The following RIPK1 variants were observed in gnomAD, a reference collection of about 807,000 sequenced individuals.
RIPK1 encodes receptor-interacting serine/threonine-protein kinase 1.
A neutral mutation model predicts 62.4 loss-of-function variants in RIPK1; 27 were observed. The ratio of observed to expected loss-of-function variants is 0.43; its 90% CI spans 0.32 to 0.60. The LOEUF is 0.60. Ranked by LOEUF, RIPK1 falls within the 20% of genes least tolerant of loss-of-function variation. RIPK1 has a pLI of 0.07. For synonymous variants in RIPK1, 287 were observed against 303.2 expected, an observed-to-expected ratio of 0.95 and a Z score of 0.55; for missense variants, 735 against 831.0, an observed-to-expected ratio of 0.88 and a Z score of 1.42.
intron 3 of RIPK1, among the ~76,000 whole-genome samples, chr6:3,080,293 T>G (rs191507698): frequency 2.2e-3 from 338 of 152,348 alleles, no homozygotes; most frequent in African/African-American, 7.8e-3. Context: ...ATTTAACCAC[T>G]ATAATAGAAA....
At position 3,105,770 on chromosome 6, in the gene RIPK1, C is replaced by G. The variant is rs772662175; in HGVS notation, c.1295C>G (p.Thr432Arg). 1 of 1,614,224 alleles carries G rather than the reference C, an allele frequency of 6.2e-7. No individual in the cohort carries two copies. Among genetic ancestry groups the G allele is most frequent in the Non-Finnish European group, 8.5e-7 (1 of 1,180,044 alleles). Reference protein sequence around the residue: ...QQRPYENFQNTEGKGTAYSSA... With the variant: ...QQRPYENFQNREGKGTAYSSA... The stretch of plus-strand genomic sequence containing the variant: ...AGACCTTACGAGAATTTTCAGAATA[C>G]AGAGGGAAAAGGCACTGCTTATTCC... The change falls in exon 9 of 11, where the codon ACA becomes AGA. Residue 432 changes from threonine to arginine, a missense_variant. Thr to Arg is a moderately conservative substitution (Grantham distance 71). This residue lies in a region of RIPK1 where 671 missense variants were observed against 726.2 expected (regional missense o/e 0.92). Coordinates refer to ENST00000259808, the MANE Select transcript of RIPK1 (RefSeq NM_001354930.2). The surrounding 1 kb of genome is among the most constrained non-coding windows in gnomAD (Gnocchi z 4.5).
Position 3,114,337 on chromosome 6 carries a change from C to T in RIPK1, c.*998C>T, listed in dbSNP as rs1453769555. The T allele has an allele frequency of 1.3e-5, 2 of 152,196 alleles. No homozygotes were observed. The highest frequency in any genetic ancestry group is 4.8e-5 in the African/African-American group (2 of 41,428). 9.4% of individuals were successfully genotyped at this position (152,196 alleles called of 1,614,324 possible). On this transcript the variant is annotated 3_prime_UTR_variant, in exon 11 of 11. Coordinates refer to ENST00000259808, the MANE Select transcript of RIPK1 (RefSeq NM_001354930.2). The surrounding 1 kb of genome is among the most constrained non-coding windows in gnomAD (Gnocchi z 5.0). ...ACTCTGTGTACTGTGAAAGTATTTT[C>T]ATATTTTTTCTGTGTGCCAGAGTGA... is the stretch of plus-strand genomic sequence containing the variant.
rs968316234 is a variant in RIPK1, at chr6:3,114,341, T to A, written c.*1002T>A. The A allele has an allele frequency of 1.3e-5, 2 of 152,228 alleles. No individual in the cohort carries two copies. The highest frequency in any genetic ancestry group is 2.4e-5 in the African/African-American group (1 of 41,446). The allele number at this position is 152,228 out of a possible 1,614,324, so 9.4% of individuals were successfully genotyped here. A position where few individuals can be genotyped will look rare whatever the true frequency, so the allele number is the denominator to read the frequency against. On this transcript the variant is annotated 3_prime_UTR_variant, in exon 11 of 11. Transcript: ENST00000259808. This position sits in a 1 kb window ranked among gnomAD's most constrained non-coding sequence, Gnocchi z 5.0. ...TGTGTACTGTGAAAGTATTTTCATATTTTTTCTGTGTGCCAGAGTGAAAAA... is the reference window on the plus strand; with the variant it reads ...TGTGTACTGTGAAAGTATTTTCATAATTTTTCTGTGTGCCAGAGTGAAAAA...
At chr6:3,067,051 ATTTTTTTTT>A (rs36132424), upstream of RIPK1, among the ~76,000 whole-genome samples, 1 of 59,048 alleles carries the variant, frequency 1.7e-5, no homozygotes, top group South Asian at 5.8e-4. Context: ...TTGCTCCAGG[ATTTTTTTTT>A]TTTTTTTTTT....
rs759012409 is a variant in RIPK1, at chr6:3,083,284, C to T, written c.659C>T (p.Ala220Val). 23 of 1,613,194 alleles carry T rather than the reference C, an allele frequency of 1.4e-5. No individual in the cohort carries two copies. The highest frequency in any genetic ancestry group is 1.6e-4 in the Middle Eastern group (1 of 6,062). ...TACAGCTTTGCTGTAGTACTCTGGG[C>T]GATATTTGCAAATAAGGAGCCATAT... is the stretch of plus-strand genomic sequence containing the variant. ...DVYSFAVVLW[A>V]IFANKEPYEN... The change falls in exon 5 of 11, where the codon GCG (alanine) becomes GTG (valine). Residue 220 changes from alanine (A) to valine (V), a missense_variant. By Grantham distance (64) the Ala-to-Val change is moderately conservative. Transcript: ENST00000259808.
Position 3,113,418 on chromosome 6 carries a change from C to G in RIPK1, c.*79C>G, listed in dbSNP as rs1561781580. ...AGAAAGTTGGCTGCCTCAGAGCATT[C>G]AGAATTCTGTCCTCACTGATAGGGG... On this transcript the variant is annotated 3_prime_UTR_variant, in exon 11 of 11. Transcript: ENST00000259808. The surrounding 1 kb of genome is among the most constrained non-coding windows in gnomAD (Gnocchi z 5.0). 2 of 1,390,256 alleles carry G rather than the reference C, an allele frequency of 1.4e-6. No homozygotes were observed. Among genetic ancestry groups the G allele is most frequent in the Non-Finnish European group, 2.0e-6 (2 of 1,018,820 alleles). The allele number at this position is 1,390,256 out of a possible 1,614,324, so 86.1% of individuals were successfully genotyped here.
At chr6:3,095,624 GTTTAAC>G (rs1212123376) in intron 7 of RIPK1, among the ~76,000 whole-genome samples, 1 of 152,132 alleles carries the variant, frequency 6.6e-6, no homozygotes, top group Non-Finnish European at 1.5e-5. Context: ...TGCAAAGTTA[GTTTAAC>G]TTTATGAAAA....
chr6:3,103,968 TTA>T (rs1760704971), intron 7 of RIPK1, among the ~76,000 whole-genome samples: 1 of 152,236 alleles, frequency 6.6e-6, no homozygotes, highest in Non-Finnish European at 1.5e-5. Context: ...GTGCCTGTCT[TTA>T]TGCCAGTCCT....
At chr6:3,065,087 GA>G (rs997222864), upstream of RIPK1, among the ~76,000 whole-genome samples, 3 of 150,820 alleles carry the variant, frequency 2.0e-5, no homozygotes, top group Non-Finnish European at 3.0e-5. Flanking sequence ...CTAAAAAAAA[GA>G]AAAAAAAGAA....
chr6:3,096,773 A>G (rs551160011), intron 7 of RIPK1, among the ~76,000 whole-genome samples: 1 of 149,944 alleles, frequency 6.7e-6, no homozygotes, highest in South Asian at 2.1e-4. Flanking sequence ...GTCAGCTAAG[A>G]TGGTCTCGAT....
At chr6:3,083,455 C>G in intron 5 of RIPK1, 142 bp downstream of exon 5, 1 of 677,470 alleles carries the variant, frequency 1.5e-6, no homozygotes, top group East Asian at 2.7e-5. Flanking sequence ...GAATAGGAAC[C>G]TCGATAGTGT....
intron 5 of RIPK1, among the ~76,000 whole-genome samples, chr6:3,084,914 A>G (rs529472013): frequency 6.6e-6 from 1 of 152,268 alleles, no homozygotes; most frequent in African/African-American, 2.4e-5. Context: ...AATAGCAATG[A>G]TCACTCTGTG....
In RIPK1 at chr6:3,113,399, T is replaced by C. The variant is rs1254758796; in HGVS notation, c.*60T>C. On this transcript the variant is annotated 3_prime_UTR_variant, in exon 11 of 11. Transcript: ENST00000259808. This position sits in a 1 kb window ranked among gnomAD's most constrained non-coding sequence, Gnocchi z 5.0. ...TCACTTAGTGGATAACCCCAGAAAG[T>C]TGGCTGCCTCAGAGCATTCAGAATT... The C allele has an allele frequency of 2.0e-6, 3 of 1,527,222 alleles. No individual in the cohort carries two copies. Among genetic ancestry groups the C allele is most frequent in the East Asian group, 2.3e-5 (1 of 43,624 alleles). 94.6% of individuals were successfully genotyped at this position (1,527,222 alleles called of 1,614,324 possible). A position where few individuals can be genotyped will look rare whatever the true frequency, so the allele number is the denominator to read the frequency against.
At chr6:3,077,731 G>C in intron 2 of RIPK1, 48 bp from the exon 3 acceptor site, 2 of 1,603,228 alleles carry the variant, frequency 1.2e-6, no homozygotes, top group Non-Finnish European at 1.7e-6. Flanking sequence ...CCAGGCTCTT[G>C]AGGCGCTGGC....
chr6:3,067,105 T>A (rs1261075369), upstream of RIPK1, among the ~76,000 whole-genome samples: 1 of 141,442 alleles, frequency 7.1e-6, no homozygotes, highest in East Asian at 2.1e-4. Flanking sequence ...TTTTTAGCAC[T>A]TAATATTCCA....
At chr6:3,104,821 G>T (rs1760758116) in intron 8 of RIPK1, among the ~76,000 whole-genome samples, 1 of 151,934 alleles carries the variant, frequency 6.6e-6, no homozygotes. Context: ...CTTCAAGAAT[G>T]AAAGAATTCA....
rs1297338407 is a variant in RIPK1 at position 3,113,266 on chromosome 6, A to G, written c.1943A>G (p.Lys648Arg). 1.2e-6 allele frequency: 2 copies of G among 1,614,018 alleles called. No individual in the cohort carries two copies. Among genetic ancestry groups the G allele is most frequent in the African/African-American group, 2.7e-5 (2 of 74,912 alleles). The change falls in exon 11 of 11, where the codon AAG (lysine) becomes AGG (arginine). Residue 648 changes from lysine to arginine, a missense_variant. Coordinates refer to ENST00000259808, the MANE Select transcript of RIPK1 (RefSeq NM_001354930.2). This position sits in a 1 kb window ranked among gnomAD's most constrained non-coding sequence, Gnocchi z 5.0. ...REGIKGATVG[K>R]LAQALHQCSR... ...GGCATAAAGGGAGCCACGGTGGGGA[A>G]GCTGGCCCAGGCGCTCCACCAGTGT...
chr6:3,112,767 G>C (rs558566573), intron 10 of RIPK1, among the ~76,000 whole-genome samples: 1 of 152,186 alleles, frequency 6.6e-6, no homozygotes, highest in East Asian at 1.9e-4. Context: ...TAGAACTCCC[G>C]GGTTCAAGTG....
chr6:3,078,280 G>A (rs1331142845), intron 3 of RIPK1, among the ~76,000 whole-genome samples: 1 of 152,162 alleles, frequency 6.6e-6, no homozygotes, highest in Non-Finnish European at 1.5e-5. Context: ...GATCACTTGA[G>A]CCTTGGTGCT....
Sources: allele counts gnomAD v4.1 joint callset (sites outside exome capture counted in the v4.1 genomes callset), GRCh38; gene constraint gnomAD v4.1.1; regional missense constraint gnomAD v4.1.1; non-coding constraint Gnocchi (gnomAD v3.1); transcripts MANE v1.5; gene names NCBI Gene and HGNC (gene_info 2026-07-23, HGNC 2026-07-21).